The following EFEMP2 variants were observed in gnomAD, a reference collection of about 807,000 sequenced individuals.
The protein encoded by EFEMP2 is EGF-like fibulin extracellular matrix protein 2, also known as EGF-containing fibulin-like extracellular matrix protein 2.
EFEMP2 carries 21 observed loss-of-function variants against 55.3 expected under a neutral mutation model. The observed-to-expected ratio is 0.38, with a 90% confidence interval of 0.27 to 0.55. The LOEUF (loss-of-function observed/expected upper bound fraction) is 0.55, where lower values mean the gene tolerates loss of function less well. Among genes scored for constraint, EFEMP2 ranks in the 20% least tolerant of loss-of-function variants. The pLI, the probability that EFEMP2 is intolerant of heterozygous loss-of-function variation, is 0.77. For synonymous variants in EFEMP2, 275 were observed against 242.3 expected (o/e 1.14, Z -1.25); for missense variants, 513 against 615.1 (o/e 0.83, Z 1.76).
rs1271600683 is a variant in EFEMP2 at position 65,866,564 on chromosome 11, G to C, written c.*354C>G. On this transcript the variant is annotated 3_prime_UTR_variant, in exon 11 of 11. Transcript: ENST00000307998. ...AGGGCCTCCTGGCGCTGTCCAGAGT[G>C]GAGTTTCTTAGGACCCCTGCAAGCC... 2.1e-5 allele frequency: 15 copies of C among 702,778 alleles called. No individual in the cohort carries two copies. In the Admixed American group the frequency reaches 2.8e-4, roughly 13 times the overall value. The allele number at this position is 702,778 out of a possible 1,614,324, so 43.5% of individuals were successfully genotyped here. A position where few individuals can be genotyped will look rare whatever the true frequency, so the allele number is the denominator to read the frequency against.
intron 10 of EFEMP2, 97 bp from the exon 11 acceptor site, chr11:65,867,176 G>A (rs1257236651): frequency 2.7e-5 from 40 of 1,506,472 alleles, no homozygotes; most frequent in Non-Finnish European, 3.6e-5. Flanking sequence ...CCGTGAGGCA[G>A]AGGAACAGCC....
chr11:65,869,766 G>T, intron 7 of EFEMP2, 91 bp downstream of exon 7: 1 of 1,582,412 alleles, frequency 6.3e-7, no homozygotes, highest in Non-Finnish European at 8.6e-7. Flanking sequence ...GGAGGCGGAG[G>T]CCTCAAATGG....
Position 65,869,996 on chromosome 11 carries a change from CAGG to C in EFEMP2, c.608-23_608-21del. 5 of 1,613,662 alleles carry C rather than the reference CAGG, an allele frequency of 3.1e-6. No homozygotes were observed. Among genetic ancestry groups the C allele is most frequent in the Non-Finnish European group, 4.2e-6 (5 of 1,179,888 alleles). On this transcript the variant is annotated intron_variant, in intron 6 of 10. Coordinates refer to ENST00000307998, the MANE Select transcript of EFEMP2 (RefSeq NM_016938.5). ...TCACATCTGGGGGTGCCAGGAAAAACAGGAGGGATGAAAGCGGAGGAGGAGCCC... is the reference window on the plus strand; with the variant it reads ...TCACATCTGGGGGTGCCAGGAAAAACAGGGATGAAAGCGGAGGAGGAGCCC...
chr11:65,867,155 C>A, intron 10 of EFEMP2, 76 bp from the exon 11 acceptor site: 1 of 1,586,376 alleles, frequency 6.3e-7, no homozygotes, highest in African/African-American at 1.3e-5. Context: ...CGTCACCTCC[C>A]TGCCCCGTGG....
chr11:65,868,765 G>T, intron 7 of EFEMP2, 136 bp from the exon 8 acceptor site: 1 of 1,270,892 alleles, frequency 7.9e-7, no homozygotes, highest in Non-Finnish European at 1.1e-6. Context: ...CAAGCCACAA[G>T]TTCAGCCGGG....
In EFEMP2 at chr11:65,870,232, C is replaced by T. The variant is rs145037272; in HGVS notation, c.496G>A (p.Asp166Asn). 1.7e-5 allele frequency: 28 copies of T among 1,613,118 alleles called. No individual in the cohort carries two copies. Among genetic ancestry groups the T allele is most frequent in the Non-Finnish European group, 2.2e-5 (26 of 1,179,962 alleles). The change falls in exon 6 of 11, where the codon GAC (aspartate) becomes AAC (asparagine). Residue 166 changes from aspartate (D) to asparagine (N), a missense_variant. Coordinates refer to ENST00000307998, the MANE Select transcript of EFEMP2 (RefSeq NM_016938.5). ...TGGCAGTAGCGGTAGCGGCACTCGT[C>T]TATGTCTAGGGATAGAGGCAGGAGA... ...RKIGPECVDI[D>N]ECRYRYCQHR...
chr11:65,871,478 C>A, intron 3 of EFEMP2, 115 bp from the exon 4 acceptor site: 1 of 1,010,774 alleles, frequency 9.9e-7, no homozygotes, highest in Non-Finnish European at 1.5e-6. Context: ...AAAGCCTTCC[C>A]ACTCTGCTCA....
chr11:65,868,045 C>G lies in EFEMP2; in HGVS notation c.986G>C (p.Cys329Ser). The G allele has an allele frequency of 6.2e-7, 1 of 1,613,778 alleles. No individual in the cohort carries two copies. Among genetic ancestry groups the G allele is most frequent in the Non-Finnish European group, 8.5e-7 (1 of 1,179,926 alleles). Residue 329 changes from cysteine to serine, a missense_variant, in exon 10 of 11, where the codon TGC (cysteine) becomes TCC (serine). Physicochemically the swap from Cys to Ser is moderately radical, Grantham distance 112 (BLOSUM62 -1). Coordinates refer to ENST00000307998, the MANE Select transcript of EFEMP2 (RefSeq NM_016938.5). The part of the protein sequence containing the change: ...YIQVSENRCL[C>S]PASNPLCREQ... ...TCGACATAGAGGGTTGGAGGCCGGGCAGAGACAGCGGCTAGAGACCCCGAG... is the reference window on the plus strand; with the variant it reads ...TCGACATAGAGGGTTGGAGGCCGGGGAGAGACAGCGGCTAGAGACCCCGAG...
Position 65,872,254 on chromosome 11 carries a change from T to C in EFEMP2, c.101A>G (p.Asp34Gly). 3.9e-6 allele frequency: 6 copies of C among 1,551,472 alleles called. No homozygotes were observed. Among genetic ancestry groups the C allele is most frequent in the Non-Finnish European group, 5.2e-6 (6 of 1,146,884 alleles). Reference protein sequence around the residue: ...SASPQDSEEPDSYTECTDGYE... With the variant: ...SASPQDSEEPGSYTECTDGYE... ...CCTCACTGTCCCCACCGTGTAGCTG[T>C]CGGGCTCTTCAGAATCCTGAGGAGA... The change falls in exon 2 of 11, where the codon GAC becomes GGC. Residue 34 changes from aspartate (D) to glycine (G), a missense_variant. By Grantham distance (94) the Asp-to-Gly change is moderately conservative. Coordinates refer to ENST00000307998, the MANE Select transcript of EFEMP2 (RefSeq NM_016938.5).
rs777429558 is a variant in EFEMP2 at position 65,872,226 on chromosome 11, G to A, written c.111+18C>T. 1.3e-6 allele frequency: 2 copies of A among 1,547,154 alleles called. No homozygotes were observed. Among genetic ancestry groups the A allele is most frequent in the South Asian group, 1.2e-5 (1 of 83,964 alleles). ...CCTACCCTTCCTGTCCCAGGCCAGC[G>A]GCCCTCACTGTCCCCACCGTGTAGC... On this transcript the variant is annotated intron_variant, in intron 2 of 10. Coordinates refer to ENST00000307998, the MANE Select transcript of EFEMP2 (RefSeq NM_016938.5).
Position 65,868,364 on chromosome 11 carries a change from T to G in EFEMP2, c.905A>C (p.Asn302Thr), listed in dbSNP as rs769829583. ...HQCSEAQTCV[N>T]FHGGYRCVDT... is the part of the protein sequence containing the mutation. ...CACGCAGCGGTAGCCCCCATGGAAG[T>G]TGACACAGGTTTGGGCCTCGGAGCA... Residue 302 changes from asparagine (N) to threonine (T), a missense_variant, in exon 9 of 11, where the codon AAC becomes ACC. Transcript: ENST00000307998. 6.2e-7 allele frequency: 1 copy of G among 1,613,910 alleles called. No homozygotes were observed. Among genetic ancestry groups the G allele is most frequent in the East Asian group, 2.2e-5 (1 of 44,884 alleles).
rs773297046 is a variant in EFEMP2, at chr11:65,870,202, G to A, written c.526C>T (p.Arg176Cys). ...DECRYRYCQH[R>C]CVNLPGSFRC... Reference sequence around the variant, plus strand: ...AAGGAGCCAGGCAGGTTCACGCAGCGGTGCTGGCAGTAGCGGTAGCGGCAC... The same window carrying A: ...AAGGAGCCAGGCAGGTTCACGCAGCAGTGCTGGCAGTAGCGGTAGCGGCAC... Residue 176 changes from arginine (R) to cysteine (C), a missense_variant, in exon 6 of 11, where the codon CGC becomes TGC. Coordinates refer to ENST00000307998, the MANE Select transcript of EFEMP2 (RefSeq NM_016938.5). 10 of 1,613,614 alleles carry A rather than the reference G, an allele frequency of 6.2e-6. No homozygotes were observed. The highest frequency in any genetic ancestry group is 2.2e-5 in the South Asian group (2 of 91,068).
Position 65,868,348 on chromosome 11 carries a change from G to T in EFEMP2, c.921C>A (p.Tyr307Ter). The T allele has an allele frequency of 1.2e-6, 2 of 1,613,886 alleles. No individual in the cohort carries two copies. Among genetic ancestry groups the T allele is most frequent in the Non-Finnish European group, 1.7e-6 (2 of 1,180,026 alleles). Reference sequence around the variant, plus strand: ...CGCAGCGGTTGGTGTCCACGCAGCGGTAGCCCCCATGGAAGTTGACACAGG... The same window carrying T: ...CGCAGCGGTTGGTGTCCACGCAGCGTTAGCCCCCATGGAAGTTGACACAGG... ...AQTCVNFHGGYRCVDTNRCVE... is the reference protein window; with the variant it reads ...AQTCVNFHGG The change falls in exon 9 of 11, where the codon TAC (tyrosine) becomes TAA (stop). Residue 307 changes from tyrosine (Y) to a stop codon, truncating the protein, a stop_gained. Coordinates refer to ENST00000307998, the MANE Select transcript of EFEMP2 (RefSeq NM_016938.5). LOFTEE classifies it high-confidence loss of function.
In EFEMP2 at chr11:65,869,909, C is replaced by G; in HGVS notation, c.675G>C (p.Leu225=). The change falls in exon 7 of 11, where the codon CTG becomes CTC. Residue 225 remains leucine (L), a synonymous_variant. Coordinates refer to ENST00000307998, the MANE Select transcript of EFEMP2 (RefSeq NM_016938.5). ...QRCFNSYGTF[L]CRCHQGYELH... ...GCTCATAGCCCTGGTGGCAGCGACA[C>G]AGGAAGGTCCCATAGGAGTTGAAGC... 1 of 1,614,076 alleles carries G rather than the reference C, an allele frequency of 6.2e-7. No homozygotes were observed. The highest frequency in any genetic ancestry group is 8.5e-7 in the Non-Finnish European group (1 of 1,180,030).
At position 65,867,068 on chromosome 11, in the gene EFEMP2, G is replaced by T; in HGVS notation, c.1182C>A (p.Asn394Lys). ...QGDFYIRQINNVSAMLVLARP... is the reference protein window; with the variant it reads ...QGDFYIRQINKVSAMLVLARP... ...GGGCGAGGACCAGCATGGCGCTGAC[G>T]TTGTTGATTTGCTGCAGGGCAGTGG... Residue 394 changes from asparagine (N) to lysine (K), a missense_variant, in exon 11 of 11, where the codon AAC becomes AAA. Asn to Lys is a moderately conservative substitution (Grantham distance 94, BLOSUM62 0). Coordinates refer to ENST00000307998, the MANE Select transcript of EFEMP2 (RefSeq NM_016938.5). The T allele has an allele frequency of 6.2e-7, 1 of 1,614,096 alleles. No homozygotes were observed. Among genetic ancestry groups the T allele is most frequent in the Non-Finnish European group, 8.5e-7 (1 of 1,179,990 alleles).
rs886048507 is a variant in EFEMP2, at chr11:65,872,688, C to T, written c.-13G>A. 1.8e-4 allele frequency: 62 copies of T among 346,336 alleles called. No homozygotes were observed. The highest frequency in any genetic ancestry group is 1.1e-3 in the African/African-American group (51 of 44,684). 21.5% of individuals were successfully genotyped at this position (346,336 alleles called of 1,614,324 possible). On this transcript the variant is annotated 5_prime_UTR_variant, in exon 1 of 11. Transcript: ENST00000307998. ...GGACGGTCACAGCCACTCACTTGGG[C>T]CCGCGACACCCCCGCGGCCCGCGGC...
rs769659193 is a variant in EFEMP2, at chr11:65,871,191, T to C, written c.333A>G (p.Pro111=). 4 of 1,614,180 alleles carry C rather than the reference T, an allele frequency of 2.5e-6. No homozygotes were observed. Among genetic ancestry groups the C allele is most frequent in the Non-Finnish European group, 3.4e-6 (4 of 1,180,014 alleles). The stretch of plus-strand genomic sequence containing the variant: ...TGTCCTGATCGTCGGGCTCATAGCC[T>C]GGTGGGCAGGGGTTGGGGTGTTGAG... ...PPAQHPNPCP[P]GYEPDDQDSC... is the part of the protein sequence containing the mutation. The change falls in exon 4 of 11, where the codon CCA becomes CCG. Residue 111 remains proline, a synonymous_variant. Coordinates refer to ENST00000307998, the MANE Select transcript of EFEMP2 (RefSeq NM_016938.5).
Position 65,872,711 on chromosome 11 carries a change from G to A in EFEMP2, c.-36C>T, listed in dbSNP as rs930396371. The A allele has an allele frequency of 2.8e-5, 10 of 353,630 alleles. No individual in the cohort carries two copies. Among genetic ancestry groups the A allele is most frequent in the African/African-American group, 2.0e-4 (9 of 44,940 alleles). 21.9% of individuals were successfully genotyped at this position (353,630 alleles called of 1,614,324 possible). Reference sequence around the variant, plus strand: ...GGCCCGCGACACCCCCGCGGCCCGCGGCTCTGGCGGCTCGGCTGGCTCGGG... The same window carrying A: ...GGCCCGCGACACCCCCGCGGCCCGCAGCTCTGGCGGCTCGGCTGGCTCGGG... On this transcript the variant is annotated 5_prime_UTR_variant, in exon 1 of 11. Transcript: ENST00000307998.
chr11:65,872,697 C>A lies in EFEMP2; in HGVS notation c.-22G>T, dbSNP rs1412157151. 5.7e-6 allele frequency: 2 copies of A among 348,350 alleles called. No individual in the cohort carries two copies. The highest frequency in any genetic ancestry group is 2.2e-5 in the African/African-American group (1 of 44,556). 21.6% of individuals were successfully genotyped at this position (348,350 alleles called of 1,614,324 possible). A position where few individuals can be genotyped will look rare whatever the true frequency, so the allele number is the denominator to read the frequency against. ...CAGCCACTCACTTGGGCCCGCGACA[C>A]CCCCGCGGCCCGCGGCTCTGGCGGC... On this transcript the variant is annotated 5_prime_UTR_variant, in exon 1 of 11. Coordinates refer to ENST00000307998, the MANE Select transcript of EFEMP2 (RefSeq NM_016938.5).
Sources: gnomAD v4.1 joint callset for allele counts on GRCh38, gnomAD v4.1.1 for gene constraint, MANE v1.5 for transcripts, NCBI Gene and HGNC (gene_info 2026-07-23, HGNC 2026-07-21) for gene names.